Variants in SYBU observed in about 807,000 individuals in gnomAD.
The protein encoded by SYBU is GOLSYN A protein.
A neutral mutation model predicts 35.9 loss-of-function variants in SYBU; 21 were observed. The ratio of observed to expected loss-of-function variants is 0.58; its 90% CI spans 0.41 to 0.84. The LOEUF is 0.84. Ranked by LOEUF, SYBU falls within the 40% of genes least tolerant of loss-of-function variation. The probability of loss-of-function intolerance (pLI) is 0.00; values close to 1 mark genes in which losing one functional copy is unlikely to be tolerated. For synonymous variants in SYBU, 319 were observed against 324.3 expected (o/e 0.98, Z 0.18); for missense variants, 768 against 848.2 (o/e 0.91, Z 1.17).
At chr8:109,644,955 C>A, upstream of SYBU, 1 of 522,810 alleles carries the variant, frequency 1.9e-6, no homozygotes, top group Non-Finnish European at 3.5e-6. Flanking sequence ...CGCCTGGGCG[C>A]GCCCCACCCG....
At chr8:109,669,185 A>G (rs9773405) in intron 1 of SYBU, among the ~76,000 whole-genome samples, 1 of 151,682 alleles carries the variant, frequency 6.6e-6, no homozygotes, top group Non-Finnish European at 1.5e-5. Context: ...TACTAAAAAT[A>G]CAAAAAATTA....
intron 3 of SYBU, among the ~76,000 whole-genome samples, chr8:109,606,665 G>GA (rs1254903174): frequency 5.9e-5 from 9 of 152,130 alleles, no homozygotes; most frequent in Non-Finnish European, 1.3e-4. Context: ...TCTACTGTTA[G>GA]AAATTATACT....
In SYBU at chr8:109,642,917, GC is replaced by G; in HGVS notation, c.39del (p.Gln14SerfsTer15). On this transcript the variant is annotated frameshift_variant, in exon 2 of 7. Coordinates refer to ENST00000276646, the MANE Select transcript of SYBU (RefSeq NM_001099754.2). LOFTEE classifies it high-confidence loss of function. ...CGAGAAATCTCCTTGTCATGATGCT[GC>G]ACTCTGTGCTCCTTCTCAAAATTGG... ...PLRESKKEHR[V>X]QHHDKEISRS... 7 of 1,531,220 alleles carry G rather than the reference GC, an allele frequency of 4.6e-6. No individual in the cohort carries two copies. The highest frequency in any genetic ancestry group is 5.3e-6 in the Non-Finnish European group (6 of 1,136,242). The allele number at this position is 1,531,220 out of a possible 1,614,324, so 94.9% of individuals were successfully genotyped here.
chr8:109,645,103 TG>T, upstream of SYBU: 2 of 467,666 alleles, frequency 4.3e-6, no homozygotes, highest in Admixed American at 2.3e-5. Flanking sequence ...CTTTTTTTTT[TG>T]CACTTGATCT....
chr8:109,621,484 A>T (rs1812390487), intron 2 of SYBU, among the ~76,000 whole-genome samples: 1 of 152,296 alleles, frequency 6.6e-6, no homozygotes, highest in South Asian at 2.1e-4. Context: ...CAGGATTTAA[A>T]CCACTACAAA....
intron 2 of SYBU, among the ~76,000 whole-genome samples, chr8:109,634,383 A>C (rs959623991): frequency 1.3e-5 from 2 of 152,224 alleles, no homozygotes; most frequent in Non-Finnish European, 2.9e-5. Context: ...TCCTCAGGAC[A>C]GGAATGTTTT....
upstream of SYBU, chr8:109,645,998 T>A (rs1038815851): frequency 1.3e-5 from 2 of 152,250 alleles, no homozygotes; most frequent in African/African-American, 4.8e-5. Context: ...TCAATATTTG[T>A]TGATGCCTTT....
intron 1 of SYBU, among the ~76,000 whole-genome samples, chr8:109,676,508 A>G (rs1817196133): frequency 6.6e-6 from 1 of 152,196 alleles, no homozygotes; most frequent in Non-Finnish European, 1.5e-5. Context: ...GTCATTATCA[A>G]ATTAAGTTAT....
chr8:109,593,390 C>A (rs895869590), intron 3 of SYBU, among the ~76,000 whole-genome samples: 9 of 152,208 alleles, frequency 5.9e-5, no homozygotes, highest in Non-Finnish European at 1.5e-5. Flanking sequence ...ACAGAATGAT[C>A]TGTACCCCCA....
chr8:109,685,021 G>C (rs1002275583), upstream of SYBU, among the ~76,000 whole-genome samples: 2 of 152,160 alleles, frequency 1.3e-5, no homozygotes, highest in Non-Finnish European at 2.9e-5. Context: ...GCTCTTTAAT[G>C]CTGAAGGATA....
intron 3 of SYBU, among the ~76,000 whole-genome samples, chr8:109,613,382 T>G (rs1053211517): frequency 2.6e-5 from 4 of 152,138 alleles, no homozygotes; most frequent in Non-Finnish European, 5.9e-5. Flanking sequence ...TTTCACCTAT[T>G]TCATATTTTC....
At chr8:109,589,823 A>G (rs558118847) in intron 3 of SYBU, among the ~76,000 whole-genome samples, 2 of 152,264 alleles carry the variant, frequency 1.3e-5, no homozygotes, top group Admixed American at 1.3e-4. Flanking sequence ...TGTTTTCAAG[A>G]TATGGAGCAG....
chr8:109,607,822 A>T, intron 3 of SYBU: 1 of 646,448 alleles, frequency 1.5e-6, no homozygotes, highest in South Asian at 2.1e-5. Context: ...ACACACACAC[A>T]CACACACACA....
intron 3 of SYBU, among the ~76,000 whole-genome samples, chr8:109,587,017 G>A (rs1823698088): frequency 6.6e-6 from 1 of 152,266 alleles, no homozygotes; most frequent in East Asian, 1.9e-4. Flanking sequence ...GGAAGTAAGG[G>A]GAGGTGGAAG....
At chr8:109,646,173 T>C (rs970959178), upstream of SYBU, 2 of 152,188 alleles carry the variant, frequency 1.3e-5, no homozygotes, top group African/African-American at 4.8e-5. Flanking sequence ...GAATTCACCA[T>C]GTATAATGAC....
intron 1 of SYBU, among the ~76,000 whole-genome samples, chr8:109,657,309 C>A (rs1024874020): frequency 6.6e-5 from 10 of 152,118 alleles, no homozygotes; most frequent in African/African-American, 2.4e-4. Context: ...AGCAAAAGAT[C>A]ATTTACAGAG....
chr8:109,643,146 G>GTC, intron 1 of SYBU: 1 of 1,245,352 alleles, frequency 8.0e-7, no homozygotes. Context: ...ATGTCTGTGT[G>GTC]GCACACACAC....
chr8:109,640,448 T>C (rs1814730123), intron 2 of SYBU, among the ~76,000 whole-genome samples: 1 of 152,142 alleles, frequency 6.6e-6, no homozygotes, highest in African/African-American at 2.4e-5. Context: ...AGGGAGAGAA[T>C]ACCAGGAATA....
At chr8:109,621,594 G>T (rs1222805812) in intron 2 of SYBU, among the ~76,000 whole-genome samples, 1 of 152,202 alleles carries the variant, frequency 6.6e-6, no homozygotes, top group Non-Finnish European at 1.5e-5. Context: ...AAATGAATAT[G>T]TATCAAGTCC....
Sources: allele counts gnomAD v4.1 joint callset (sites outside exome capture counted in the v4.1 genomes callset), GRCh38; gene constraint gnomAD v4.1.1; transcripts MANE v1.5; gene names NCBI Gene and HGNC (gene_info 2026-07-23, HGNC 2026-07-21).